Variants in TAFA1 observed in about 807,000 individuals in gnomAD.
The protein encoded by TAFA1 is chemokine-like protein TAFA-1.
In TAFA1, 4 loss-of-function variants were observed where a neutral mutation model predicts 18.5. The observed-to-expected ratio is 0.22, with a 90% CI of 0.11 to 0.49. The LOEUF (loss-of-function observed/expected upper bound fraction) is 0.49. Among genes scored for constraint, TAFA1 ranks in the 20% least tolerant of loss-of-function variants. TAFA1 has a pLI of 0.98. For missense variants in TAFA1, 147 were observed against 169.0 expected (o/e 0.87, Z 0.72); for synonymous variants, 56 against 55.2 (o/e 1.01, Z -0.06).
intron 2 of TAFA1, among the ~76,000 whole-genome samples, chr3:68,404,518 G>T (rs1005539726): frequency 6.6e-6 from 1 of 152,130 alleles, no homozygotes; most frequent in Admixed American, 6.6e-5. Context: ...AAAGAGAAAG[G>T]GCTGGGTGTG....
At chr3:68,419,271 T>G (rs1445148284) in intron 3 of TAFA1, among the ~76,000 whole-genome samples, 1 of 152,154 alleles carries the variant, frequency 6.6e-6, no homozygotes, top group African/African-American at 2.4e-5. Flanking sequence ...AGACCAGCAG[T>G]CAGGGATCAT....
At chr3:68,173,000 C>T (rs1394225913) in intron 2 of TAFA1, among the ~76,000 whole-genome samples, 1 of 151,888 alleles carries the variant, frequency 6.6e-6, no homozygotes, top group Non-Finnish European at 1.5e-5. Flanking sequence ...TCTTTTGCAA[C>T]ATGAGGGTAT....
intron 2 of TAFA1, among the ~76,000 whole-genome samples, chr3:68,132,895 C>A (rs1400075955): frequency 6.6e-6 from 1 of 152,114 alleles, no homozygotes. Flanking sequence ...TCCCATTTGT[C>A]AATTTTGGCT....
intron 3 of TAFA1, among the ~76,000 whole-genome samples, chr3:68,447,875 C>T (rs2071498064): frequency 6.6e-6 from 1 of 152,210 alleles, no homozygotes; most frequent in African/African-American, 2.4e-5. Flanking sequence ...TCAACATGTA[C>T]AGCACGACTT....
chr3:68,521,354 A>G (rs2073018475), intron 3 of TAFA1, among the ~76,000 whole-genome samples: 1 of 152,218 alleles, frequency 6.6e-6, no homozygotes, highest in Non-Finnish European at 1.5e-5. Flanking sequence ...GGGAAGTATC[A>G]AGGGAGAAGG....
chr3:68,341,609 C>T (rs970990675), intron 2 of TAFA1, among the ~76,000 whole-genome samples: 4 of 152,056 alleles, frequency 2.6e-5, no homozygotes, highest in African/African-American at 9.7e-5. Flanking sequence ...AGGGCTATTA[C>T]CAATTTTGTT....
chr3:68,453,404 A>G (rs2071600134), intron 3 of TAFA1, among the ~76,000 whole-genome samples: 1 of 152,220 alleles, frequency 6.6e-6, no homozygotes, highest in South Asian at 2.1e-4. Flanking sequence ...TCTGATCAAA[A>G]TGCAAGCTGT....
At chr3:68,536,856 A>C (rs1234072868) in intron 3 of TAFA1, among the ~76,000 whole-genome samples, 1 of 152,140 alleles carries the variant, frequency 6.6e-6, no homozygotes, top group Non-Finnish European at 1.5e-5. Context: ...CCCCCACATC[A>C]TATTAAACAT....
chr3:68,411,402 G>T (rs1183534687), intron 2 of TAFA1, among the ~76,000 whole-genome samples: 8 of 152,134 alleles, frequency 5.3e-5, no homozygotes, highest in African/African-American at 4.8e-5. Flanking sequence ...TGGCAGATTT[G>T]TTATTCATTT....
chr3:68,541,376 A>G (rs2073371414), intron 4 of TAFA1, among the ~76,000 whole-genome samples: 2 of 152,226 alleles, frequency 1.3e-5, no homozygotes, highest in African/African-American at 4.8e-5. Flanking sequence ...TGGTGTGTCA[A>G]CGCCAGTCCT....
intron 2 of TAFA1, among the ~76,000 whole-genome samples, chr3:68,161,096 TATG>T (rs1483430591): frequency 2.0e-5 from 3 of 152,226 alleles, no homozygotes; most frequent in Non-Finnish European, 4.4e-5. Flanking sequence ...TATGTAATGT[TATG>T]ATAATACTTT....
At chr3:68,478,735 A>G (rs1473978604) in intron 3 of TAFA1, among the ~76,000 whole-genome samples, 1 of 152,146 alleles carries the variant, frequency 6.6e-6, no homozygotes, top group Non-Finnish European at 1.5e-5. Context: ...GTGAGTGTAC[A>G]AGAAATCAAA....
intron 2 of TAFA1, among the ~76,000 whole-genome samples, chr3:68,281,200 G>A (rs1349762272): frequency 6.6e-6 from 1 of 151,978 alleles, no homozygotes; most frequent in Non-Finnish European, 1.5e-5. Context: ...TTTAACTGAG[G>A]TTTTATAGAT....
At chr3:68,434,384 T>A (rs1050898916) in intron 3 of TAFA1, among the ~76,000 whole-genome samples, 1 of 152,072 alleles carries the variant, frequency 6.6e-6, no homozygotes. Flanking sequence ...AAAATGTAAA[T>A]ATTTTCTTGG....
At chr3:68,275,526 A>G (rs2067778996) in intron 2 of TAFA1, among the ~76,000 whole-genome samples, 2 of 149,942 alleles carry the variant, frequency 1.3e-5, no homozygotes, top group South Asian at 4.2e-4. Context: ...TGCATAAGTC[A>G]TAAAGAAATC....
Position 68,538,757 on chromosome 3 carries a change from C to A in TAFA1, c.261C>A (p.Ala87=), listed in dbSNP as rs757544872. Residue 87 remains alanine (A), a splice_region_variant and synonymous_variant, in exon 4 of 5, where the codon GCC becomes GCA. Coordinates refer to ENST00000478136, the MANE Select transcript of TAFA1 (RefSeq NM_213609.4). The part of the protein sequence containing the change: ...TTRNRPSCVD[A]SIVIGKWWCE... ...CAGTTGTTTCCTGTTTCTGCACAGCCTCCATAGTGATTGGGAAATGGTGGT... is the reference window on the plus strand; with the variant it reads ...CAGTTGTTTCCTGTTTCTGCACAGCATCCATAGTGATTGGGAAATGGTGGT... The A allele has an allele frequency of 2.1e-5, 34 of 1,613,332 alleles. No homozygotes were observed. The highest frequency in any genetic ancestry group is 1.4e-5 in the Non-Finnish European group (16 of 1,179,618).
At chr3:68,283,086 C>T (rs1229544426) in intron 2 of TAFA1, among the ~76,000 whole-genome samples, 1 of 152,152 alleles carries the variant, frequency 6.6e-6, no homozygotes, top group Non-Finnish European at 1.5e-5. Flanking sequence ...TGTGAATCTA[C>T]TATATTTTTA....
Position 68,010,417 on chromosome 3 carries a change from C to T in TAFA1, c.118+3673C>T, listed in dbSNP as rs577624168. ...TGGATGGCACCAGCCAGCCAGGGTCCTTTAGGGGAAATGGTTAGAGACTTG... is the reference window on the plus strand; with the variant it reads ...TGGATGGCACCAGCCAGCCAGGGTCTTTTAGGGGAAATGGTTAGAGACTTG... On this transcript the variant is annotated intron_variant, in intron 2 of 4. Transcript: ENST00000478136. Among the ~76,000 whole-genome samples the T allele has an allele frequency of 3.9e-5, 6 of 152,264 alleles. No homozygotes were observed. The East Asian group carries it at 1.2e-3, about 29-fold the overall frequency.
chr3:68,003,755 G>A (rs1406250705), upstream of TAFA1, among the ~76,000 whole-genome samples: 1 of 152,132 alleles, frequency 6.6e-6, no homozygotes, highest in Admixed American at 6.5e-5. Flanking sequence ...ATTTGATGCT[G>A]AAAATAACAT....
Sources: gnomAD v4.1 joint callset for allele counts (sites outside exome capture counted in the v4.1 genomes callset) on GRCh38, gnomAD v4.1.1 for gene constraint, MANE v1.5 for transcripts, NCBI Gene and HGNC (gene_info 2026-07-23, HGNC 2026-07-21) for gene names.